The following SLC44A5 variants were observed in gnomAD, a reference collection of about 807,000 sequenced individuals.
The protein encoded by SLC44A5 is choline transporter-like protein 5.
In SLC44A5, 57 loss-of-function variants were observed where a neutral mutation model predicts 101.8. The observed-to-expected ratio is 0.56, with a 90% CI of 0.45 to 0.70. The LOEUF is 0.70. Ranked by LOEUF, SLC44A5 falls within the 30% of genes least tolerant of loss-of-function variation. The pLI is 0.00. For synonymous variants in SLC44A5, 281 were observed against 290.9 expected (o/e 0.97, Z 0.35); for missense variants, 737 against 853.1 (o/e 0.86, Z 1.70).
rs189712148 is a variant in SLC44A5, at chr1:75,314,047, C to T, written c.102-13362G>A. On this transcript the variant is annotated intron_variant, in intron 4 of 23. Transcript: ENST00000370859. ...AAGGTGAATGATGATATTAATTTCC[C>T]TTAAATGTATTTAATTTCTCTATTT... is the stretch of plus-strand genomic sequence containing the variant. Among the ~76,000 whole-genome samples the T allele has an allele frequency of 7.3e-3, 1,116 of 152,198 alleles. 5 individuals are homozygous for T. The highest frequency in any genetic ancestry group is 0.02 in the Middle Eastern group (6 of 294).
chr1:75,609,608 T>C (rs1436961839), intron 1 of SLC44A5, among the ~76,000 whole-genome samples: 1 of 151,858 alleles, frequency 6.6e-6, no homozygotes, highest in Non-Finnish European at 1.5e-5. Context: ...CTAAACTAAA[T>C]GAACTAGAGG....
chr1:75,289,835 G>A (rs961342841), intron 5 of SLC44A5, among the ~76,000 whole-genome samples: 1 of 152,142 alleles, frequency 6.6e-6, no homozygotes, highest in Non-Finnish European at 1.5e-5. Flanking sequence ...ATAGATAGAG[G>A]CCAATGATTT....
the SLC44A5 span, among the ~76,000 whole-genome samples, chr1:75,630,384 GA>G: frequency 2.6e-5 from 4 of 152,124 alleles, no homozygotes; most frequent in Non-Finnish European, 5.9e-5. Context: ...GCCACATGAA[GA>G]AGTACAGCTC....
chr1:75,551,140 C>T (rs1312594969), intron 1 of SLC44A5, among the ~76,000 whole-genome samples: 1 of 151,970 alleles, frequency 6.6e-6, no homozygotes, highest in Non-Finnish European at 1.5e-5. Flanking sequence ...TCTCTGTTCC[C>T]ACTTTCAGCT....
intron 2 of SLC44A5, among the ~76,000 whole-genome samples, chr1:75,512,614 G>A (rs918685000): frequency 4.6e-5 from 7 of 152,164 alleles, no homozygotes; most frequent in Non-Finnish European, 8.8e-5. Context: ...TGAAGCTAAT[G>A]AGAGAGACAA....
the SLC44A5 span, among the ~76,000 whole-genome samples, chr1:75,667,424 G>C: frequency 0.032 from 4,815 of 152,140 alleles, 253 homozygotes; most frequent in African/African-American, 0.11. Flanking sequence ...AACGAAATAA[G>C]AGAGGACACA....
intron 2 of SLC44A5, among the ~76,000 whole-genome samples, chr1:75,501,671 T>TGTCA (rs1668965555): frequency 6.6e-6 from 1 of 152,198 alleles, no homozygotes; most frequent in African/African-American, 2.4e-5. Flanking sequence ...ATGTTGGTTT[T>TGTCA]GTCAGTCTCC....
At chr1:75,312,773 C>T (rs1309062487) in intron 4 of SLC44A5, among the ~76,000 whole-genome samples, 1 of 151,832 alleles carries the variant, frequency 6.6e-6, no homozygotes, top group African/African-American at 2.4e-5. Flanking sequence ...ACTGAATAGC[C>T]CTCAGTGTGG....
At chr1:75,430,232 A>G (rs55996872) in intron 2 of SLC44A5, among the ~76,000 whole-genome samples, 2 of 152,100 alleles carry the variant, frequency 1.3e-5, no homozygotes, top group African/African-American at 4.8e-5. Flanking sequence ...TTCCCTTTCC[A>G]TCCCTTTTAC....
In SLC44A5 at chr1:75,582,452, G is replaced by A. The variant is rs1557932127; in HGVS notation, c.-70+28588C>T. 6 of 638,526 alleles carry A rather than the reference G, an allele frequency of 9.4e-6. No homozygotes were observed. The East Asian group carries it at 1.3e-4, about 14-fold the overall frequency. The allele number at this position is 638,526 out of a possible 1,614,324, so 39.6% of individuals were successfully genotyped here. Reference sequence around the variant, plus strand: ...CATTGCCAAAGGGCTCAGGCTGTGTGGGCCAAAGGCCAAGACCAAGGATCA... The same window carrying A: ...CATTGCCAAAGGGCTCAGGCTGTGTAGGCCAAAGGCCAAGACCAAGGATCA... On this transcript the variant is annotated intron_variant, in intron 1 of 23. Transcript: ENST00000370859.
chr1:75,587,067 G>C (rs1201784295), intron 1 of SLC44A5, among the ~76,000 whole-genome samples: 1 of 152,128 alleles, frequency 6.6e-6, no homozygotes. Context: ...ATTTTTGTAT[G>C]TCACAACTGA....
intron 3 of SLC44A5, among the ~76,000 whole-genome samples, chr1:75,341,524 A>G (rs182410024): frequency 1.6e-4 from 24 of 152,240 alleles, no homozygotes; most frequent in African/African-American, 5.5e-4. Flanking sequence ...GAGAAAAGAA[A>G]GAAAAAGAAA....
chr1:75,321,565 C>T (rs1028718257), intron 4 of SLC44A5, among the ~76,000 whole-genome samples: 7 of 152,122 alleles, frequency 4.6e-5, no homozygotes, highest in South Asian at 2.1e-4. Context: ...TCCCAAAGGC[C>T]TTTACCTCCA....
chr1:75,396,702 TA>T, intron 2 of SLC44A5, 81 bp from the exon 3 acceptor site: 3 of 1,092,530 alleles, frequency 2.7e-6, no homozygotes, highest in Non-Finnish European at 2.8e-6. Context: ...CTCCTTATCC[TA>T]AAAAATCTTA....
chr1:75,388,334 A>G (rs1661540605), intron 3 of SLC44A5, among the ~76,000 whole-genome samples: 1 of 152,130 alleles, frequency 6.6e-6, no homozygotes, highest in African/African-American at 2.4e-5. Context: ...TGGAAATAAA[A>G]GAATAATACT....
At chr1:75,280,444 T>A (rs568184315) in intron 5 of SLC44A5, among the ~76,000 whole-genome samples, 2 of 107,502 alleles carry the variant, frequency 1.9e-5, no homozygotes, top group African/African-American at 4.4e-5. Context: ...TTATATATAG[T>A]ATATATTATA....
At chr1:75,612,708 T>C (rs1441815365), upstream of SLC44A5, among the ~76,000 whole-genome samples, 1 of 152,170 alleles carries the variant, frequency 6.6e-6, no homozygotes, top group East Asian at 1.9e-4. Flanking sequence ...ACATATTCAG[T>C]GCTCAATAAA....
chr1:75,396,559 C>T (rs1332171943), intron 3 of SLC44A5, 24 bp downstream of exon 3: 1 of 1,583,866 alleles, frequency 6.3e-7, no homozygotes, highest in South Asian at 1.1e-5. Context: ...ATTCTTAGCA[C>T]TTAATACTCA....
At chr1:75,592,565 A>G (rs407954) in intron 1 of SLC44A5, among the ~76,000 whole-genome samples, 118,799 of 151,900 alleles carry the variant, frequency 0.78, 46,836 homozygotes, top group East Asian at 0.94. Context: ...TAACAAAACT[A>G]GAGGAATCAC....
Sources: gnomAD v4.1 joint callset for allele counts (sites outside exome capture counted in the v4.1 genomes callset) on GRCh38, gnomAD v4.1.1 for gene constraint, MANE v1.5 for transcripts, NCBI Gene and HGNC (gene_info 2026-07-23, HGNC 2026-07-21) for gene names.